The following CARS2 variants were observed in gnomAD, a reference collection of about 807,000 sequenced individuals.
CARS2 encodes the protein probable cysteine--tRNA ligase, mitochondrial.
CARS2 carries 52 observed loss-of-function variants against 68.8 expected under a neutral mutation model. The observed-to-expected ratio is 0.76, with a 90% CI of 0.61 to 0.95. The LOEUF is 0.95. Among genes scored for constraint, CARS2 ranks in the 40% least tolerant of loss-of-function variants. The probability of loss-of-function intolerance (pLI) is 0.00; values close to 1 mark genes in which losing one functional copy is unlikely to be tolerated. For synonymous variants in CARS2, 314 were observed against 303.6 expected (o/e 1.03, Z -0.36); for missense variants, 780 against 754.2 (o/e 1.03, Z -0.40).
chr13:110,708,748 T>C (rs2064003362), upstream of CARS2, among the ~76,000 whole-genome samples: 1 of 151,690 alleles, frequency 6.6e-6, no homozygotes, highest in South Asian at 2.1e-4. Flanking sequence ...GCATTTTTAT[T>C]TTTATTTTTA....
Position 110,705,469 on chromosome 13 carries a change from TC to T in CARS2, c.275+51del. ...GATAAAAGAAATCAGCAAAAGGCTTTCAAAAATAAATGGTCCTTTGAAGTAT... is the reference window on the plus strand; with the variant it reads ...GATAAAAGAAATCAGCAAAAGGCTTTAAAAATAAATGGTCCTTTGAAGTAT... On this transcript the variant is annotated intron_variant, in intron 2 of 14. Coordinates refer to ENST00000257347, the MANE Select transcript of CARS2 (RefSeq NM_024537.4). This position sits in a 1 kb window ranked among gnomAD's most constrained non-coding sequence, Gnocchi z 4.0. The T allele has an allele frequency of 7.4e-7, 1 of 1,345,586 alleles. No individual in the cohort carries two copies. The allele number at this position is 1,345,586 out of a possible 1,614,324, so 83.4% of individuals were successfully genotyped here.
intron 7 of CARS2, among the ~76,000 whole-genome samples, chr13:110,672,469 G>A (rs555154599): frequency 6.6e-6 from 1 of 152,180 alleles, no homozygotes; most frequent in East Asian, 1.9e-4. Context: ...ATGACTACTG[G>A]GTACATAATG....
chr13:110,700,634 A>C (rs559212722), intron 3 of CARS2, among the ~76,000 whole-genome samples: 14 of 152,262 alleles, frequency 9.2e-5, no homozygotes, highest in Non-Finnish European at 1.3e-4. Context: ...GTGTTAAAAA[A>C]AGCACAATAA....
At chr13:110,700,967 C>T (rs555148808) in intron 3 of CARS2, among the ~76,000 whole-genome samples, 4 of 152,228 alleles carry the variant, frequency 2.6e-5, no homozygotes, top group Non-Finnish European at 5.9e-5. Flanking sequence ...AGAAACCCTG[C>T]TAACCCAGCA....
chr13:110,666,529 G>T lies in CARS2; in HGVS notation c.919+811C>A, dbSNP rs562147747. 8 of 985,386 alleles carry T rather than the reference G, an allele frequency of 8.1e-6. No individual in the cohort carries two copies. In the Middle Eastern group the frequency reaches 1.6e-3, roughly 193 times the overall value. The allele number at this position is 985,386 out of a possible 1,614,324, so 61.0% of individuals were successfully genotyped here. A position where few individuals can be genotyped will look rare whatever the true frequency, so the allele number is the denominator to read the frequency against. On this transcript the variant is annotated intron_variant, in intron 8 of 14. Transcript: ENST00000257347. Reference sequence around the variant, plus strand: ...GCCCGGGGTGAAGGACATGCTGCAGGAAGTGACTTCGGGGCAATCAGCCTC... The same window carrying T: ...GCCCGGGGTGAAGGACATGCTGCAGTAAGTGACTTCGGGGCAATCAGCCTC...
rs534818713 is a variant in CARS2 at position 110,706,030 on chromosome 13, C to T, written c.64G>A (p.Gly22Arg). 5.4e-4 allele frequency: 765 copies of T among 1,406,926 alleles called. 5 individuals carry two copies. In the African/African-American group the frequency reaches 0.011, roughly 20 times the overall value. 87.2% of individuals were successfully genotyped at this position (1,406,926 alleles called of 1,614,324 possible). A position where few individuals can be genotyped will look rare whatever the true frequency, so the allele number is the denominator to read the frequency against. ...PPLLQAALGL[G>R]RAGWHWPAGR... ...GCAGGCCAGTGCCACCCAGCCCGCC[C>T]AAGGCCCAGCGCGGCCTGGAGCAGC... Residue 22 changes from glycine (G) to arginine (R), a missense_variant, in exon 1 of 15, where the codon GGG becomes AGG. Coordinates refer to ENST00000257347, the MANE Select transcript of CARS2 (RefSeq NM_024537.4).
At chr13:110,662,424 C>T (rs1328708419) in intron 9 of CARS2, among the ~76,000 whole-genome samples, 5 of 152,358 alleles carry the variant, frequency 3.3e-5, no homozygotes, top group Middle Eastern at 3.4e-3. Context: ...CATGCAACCC[C>T]GTGGCCCCGG....
In CARS2 at chr13:110,683,038, C is replaced by T; in HGVS notation, c.655+13G>A. Reference sequence around the variant, plus strand: ...AGGTCAGGGACCCACAGGGCTGAGCCCGGCCAACCCACCTGGCTCTCCGAC... The same window carrying T: ...AGGTCAGGGACCCACAGGGCTGAGCTCGGCCAACCCACCTGGCTCTCCGAC... On this transcript the variant is annotated intron_variant, in intron 6 of 14. Transcript: ENST00000257347. 6.3e-7 allele frequency: 1 copy of T among 1,593,788 alleles called. No individual in the cohort carries two copies. The highest frequency in any genetic ancestry group is 1.4e-5 in the African/African-American group (1 of 73,608).
chr13:110,703,471 CACAG>C (rs1189197344), intron 2 of CARS2, among the ~76,000 whole-genome samples: 14 of 152,168 alleles, frequency 9.2e-5, no homozygotes, highest in African/African-American at 2.9e-4. Flanking sequence ...CCTGTGTGGA[CACAG>C]CTTATAACAT....
intron 14 of CARS2, 72 bp downstream of exon 14, chr13:110,642,241 CCT>C: frequency 8.6e-7 from 1 of 1,165,312 alleles, no homozygotes; most frequent in Non-Finnish European, 1.2e-6. Context: ...GATGTCTGGG[CCT>C]CTGATGGCCC....
At chr13:110,664,556 A>G in intron 8 of CARS2, 1 of 939,164 alleles carries the variant, frequency 1.1e-6, no homozygotes, top group Non-Finnish European at 1.3e-6. Flanking sequence ...CCAACCAATT[A>G]GAATGTGATT....
In CARS2 at chr13:110,691,987, G is replaced by GAAAAA. The variant is rs36121848; in HGVS notation, c.394-3974_394-3970dup. Reference sequence around the variant, plus strand: ...CAATCCTACCACATAAAGCTGTGCAGAAAAAAAAAAAAAAAAATATATATA... The same window carrying GAAAAA: ...CAATCCTACCACATAAAGCTGTGCAGAAAAAAAAAAAAAAAAAAAAAATATATATA... On this transcript the variant is annotated intron_variant, in intron 3 of 14. Coordinates refer to ENST00000257347, the MANE Select transcript of CARS2 (RefSeq NM_024537.4). Among the ~76,000 whole-genome samples, 403 of 76,132 alleles carry GAAAAA rather than the reference G, an allele frequency of 5.3e-3. 3 individuals are homozygous for GAAAAA. Among genetic ancestry groups the GAAAAA allele is most frequent in the East Asian group, 9.7e-3 (26 of 2,684 alleles). 49.9% of individuals were successfully genotyped at this position (76,132 alleles called of 152,430 possible).
Position 110,663,508 on chromosome 13 carries a change from G to A in CARS2, c.930C>T (p.His310=), listed in dbSNP as rs143532600. ...ACATTTTTTCTTCTTTGCCTTTGGC[G>A]TGCAAATGCCCTGAAACAAAAACAA... ...GNYFLHSGHL[H]AKGKEEKMSK... is the part of the protein sequence containing the mutation. The change falls in exon 9 of 15, where the codon CAC becomes CAT. Residue 310 remains histidine (H), a synonymous_variant. Transcript: ENST00000257347. The A allele has an allele frequency of 4.1e-4, 666 of 1,613,864 alleles. 3 individuals carry two copies. The African/African-American group carries it at 7.5e-3, about 18-fold the overall frequency.
intron 5 of CARS2, among the ~76,000 whole-genome samples, chr13:110,684,627 C>T (rs2063245959): frequency 6.6e-6 from 1 of 151,484 alleles, no homozygotes; most frequent in Non-Finnish European, 1.5e-5. Flanking sequence ...CCTGCAGCGT[C>T]CTCTCTGGTC....
intron 3 of CARS2, among the ~76,000 whole-genome samples, chr13:110,695,532 G>C (rs929062983): frequency 1.1e-4 from 17 of 152,114 alleles, no homozygotes; most frequent in Non-Finnish European, 2.5e-4. Context: ...ACAGCAAGGA[G>C]AGTGTACATG....
chr13:110,654,098 A>G (rs2062298855), intron 9 of CARS2, among the ~76,000 whole-genome samples: 1 of 152,142 alleles, frequency 6.6e-6, no homozygotes, highest in Non-Finnish European at 1.5e-5. Flanking sequence ...TCACGAGGTA[A>G]CAGGGTGCAC....
intron 3 of CARS2, among the ~76,000 whole-genome samples, chr13:110,700,516 A>G (rs985975554): frequency 2.0e-5 from 3 of 152,246 alleles, no homozygotes; most frequent in African/African-American, 7.2e-5. Context: ...GCAGCCAACA[A>G]TGGCCACGAG....
intron 13 of CARS2, chr13:110,643,683 C>T (rs935367401): frequency 6.3e-6 from 1 of 159,446 alleles, no homozygotes; most frequent in African/African-American, 2.4e-5. Flanking sequence ...CAGGGATGTT[C>T]AGGGACACAG....
At chr13:110,706,448 C>A (rs1390138313), upstream of CARS2, 4 of 170,212 alleles carry the variant, frequency 2.4e-5, no homozygotes, top group Non-Finnish European at 3.7e-5. Context: ...GGAGCTGTGT[C>A]CGCCGCGCGG....
Sources: gnomAD v4.1 joint callset for allele counts (sites outside exome capture counted in the v4.1 genomes callset) on GRCh38, gnomAD v4.1.1 for gene constraint, Gnocchi (gnomAD v3.1) non-coding constraint, MANE v1.5 for transcripts, NCBI Gene and HGNC (gene_info 2026-07-23, HGNC 2026-07-21) for gene names.